The following SMARCA2 variants were observed in gnomAD, a reference collection of about 807,000 sequenced individuals.
SMARCA2 encodes SWI/SNF related BAF chromatin remodeling complex subunit ATPase 2, also known as SWI/SNF-related matrix-associated actin-dependent regulator of chromatin subfamily A member 2.
SMARCA2 carries 61 observed loss-of-function variants against 199.8 expected under a neutral mutation model. The ratio of observed to expected loss-of-function variants is 0.31; its 90% confidence interval spans 0.25 to 0.38. The LOEUF (loss-of-function observed/expected upper bound fraction) is 0.38, where lower values mean the gene tolerates loss of function less well. Among genes scored for constraint, SMARCA2 ranks in the 10% least tolerant of loss-of-function variants. SMARCA2 has a pLI of 1.00. For missense variants in SMARCA2, 1,344 were observed against 2,012.2 expected (o/e 0.67, Z 6.35); for synonymous variants, 935 against 732.0 (o/e 1.28, Z -4.48).
intron 29 of SMARCA2, among the ~76,000 whole-genome samples, chr9:2,174,034 T>C (rs1826401169): frequency 6.6e-6 from 1 of 152,208 alleles, no homozygotes. Context: ...TACTTATTTA[T>C]GGTGCTCAGC....
chr9:2,017,698 C>T lies in SMARCA2; in HGVS notation c.-37+2294C>T, dbSNP rs1246906083. On this transcript the variant is annotated intron_variant, in intron 1 of 33. Coordinates refer to ENST00000349721, the MANE Select transcript of SMARCA2 (RefSeq NM_003070.5). This position sits in a 1 kb window ranked among gnomAD's most constrained non-coding sequence, Gnocchi z 8.8. The stretch of plus-strand genomic sequence containing the variant: ...GGGGGCCGGGCCGCGGGCTGTGGCG[C>T]GGGCCTAGAGCCGCGGCTCGGAGAC... 6.6e-6 allele frequency: 1 copy of T among 152,038 alleles called. No homozygotes were observed. Among genetic ancestry groups the T allele is most frequent in the Non-Finnish European group, 1.5e-5 (1 of 68,020 alleles). 9.4% of individuals were successfully genotyped at this position (152,038 alleles called of 1,614,324 possible).
At chr9:2,144,415 G>A (rs1317332443) in intron 27 of SMARCA2, among the ~76,000 whole-genome samples, 3 of 152,118 alleles carry the variant, frequency 2.0e-5, no homozygotes, top group African/African-American at 7.2e-5. Context: ...GAAGGACCTC[G>A]ATTCTGAGGC....
intron 27 of SMARCA2, among the ~76,000 whole-genome samples, chr9:2,154,593 C>G (rs1017676162): frequency 2.6e-5 from 4 of 152,130 alleles, no homozygotes; most frequent in Non-Finnish European, 5.9e-5. Context: ...GCGTGGAACC[C>G]TGGATTGTGG....
chr9:2,027,942 G>T (rs537554350), intron 1 of SMARCA2, among the ~76,000 whole-genome samples: 1 of 152,246 alleles, frequency 6.6e-6, no homozygotes, highest in Non-Finnish European at 1.5e-5. Flanking sequence ...CTATCAGAAT[G>T]TGGAAAACAG....
intron 27 of SMARCA2, among the ~76,000 whole-genome samples, chr9:2,146,507 A>T (rs924095581): frequency 1.3e-5 from 2 of 152,158 alleles, no homozygotes; most frequent in African/African-American, 2.4e-5. Context: ...CACCAGAAAG[A>T]TGTTGCTGAA....
chr9:2,155,850 T>C (rs956844062), intron 27 of SMARCA2, among the ~76,000 whole-genome samples: 5 of 147,642 alleles, frequency 3.4e-5, no homozygotes, highest in Admixed American at 1.4e-4. Context: ...TTCCCCTTTA[T>C]GGTCAGCTTT....
intron 30 of SMARCA2, 133 bp downstream of exon 30, chr9:2,181,809 C>A (rs1456236420): frequency 1.6e-6 from 1 of 631,126 alleles, no homozygotes; most frequent in Non-Finnish European, 2.8e-6. Context: ...GTTGGGATGT[C>A]CTTGTGCTTT....
At chr9:2,153,729 G>A (rs59315485) in intron 27 of SMARCA2, among the ~76,000 whole-genome samples, 3,112 of 152,190 alleles carry the variant, frequency 0.02, 88 homozygotes, top group African/African-American at 0.065. Context: ...TTGTGGAACA[G>A]TAATCCCATT....
rs149380449 is a variant in SMARCA2, at chr9:2,191,421, G to C, written c.4737+13G>C. 1.9e-6 allele frequency: 3 copies of C among 1,613,632 alleles called. 1 individual carries two copies. In the South Asian group the frequency reaches 3.3e-5, roughly 18 times the overall value. On this transcript the variant is annotated intron_variant, in intron 33 of 33. Transcript: ENST00000349721. Reference sequence around the variant, plus strand: ...GCAGGATGAACGTGTAAGTGTAGCCGACTGGGACTGAAGGCGGAGACGCCC... The same window carrying C: ...GCAGGATGAACGTGTAAGTGTAGCCCACTGGGACTGAAGGCGGAGACGCCC...
chr9:2,051,940 G>A (rs984661870), intron 5 of SMARCA2, among the ~76,000 whole-genome samples: 5 of 152,168 alleles, frequency 3.3e-5, no homozygotes, highest in African/African-American at 1.2e-4. Flanking sequence ...CTACATAGAT[G>A]TTGTAGAAAA....
intron 27 of SMARCA2, among the ~76,000 whole-genome samples, chr9:2,124,981 T>C (rs1823625195): frequency 1.3e-5 from 2 of 152,154 alleles, no homozygotes; most frequent in African/African-American, 4.8e-5. Context: ...AGTTGTTCGT[T>C]TTATCCAAGG....
chr9:2,160,913 C>G (rs1825638395), intron 27 of SMARCA2: 2 of 316,578 alleles, frequency 6.3e-6, no homozygotes, highest in Non-Finnish European at 5.7e-6. Context: ...ACTTCTGGGT[C>G]TGTCACATGG....
intron 1 of SMARCA2, among the ~76,000 whole-genome samples, chr9:2,019,246 C>T (rs189426613): frequency 1.0e-3 from 156 of 152,038 alleles, no homozygotes; most frequent in Non-Finnish European, 1.3e-3. Context: ...TGTGGGGTAT[C>T]AGAACCCTTG....
chr9:2,130,893 A>G (rs1586736198), intron 27 of SMARCA2, among the ~76,000 whole-genome samples: 1 of 152,176 alleles, frequency 6.6e-6, no homozygotes, highest in South Asian at 2.1e-4. Flanking sequence ...CCCTGTGTAC[A>G]CTGGCTGTGC....
Position 2,056,827 on chromosome 9 carries a change from A to G in SMARCA2, c.1329A>G (p.Lys443=), listed in dbSNP as rs140011686. The G allele has an allele frequency of 6.2e-7, 1 of 1,613,824 alleles. No individual in the cohort carries two copies. The highest frequency in any genetic ancestry group is 8.5e-7 in the Non-Finnish European group (1 of 1,179,880). Reference sequence around the variant, plus strand: ...AGCAGAAGATTGAGCAGGAGAGGAAACGCCGTCAGAAACACCAGGTTCTTA... The same window carrying G: ...AGCAGAAGATTGAGCAGGAGAGGAAGCGCCGTCAGAAACACCAGGTTCTTA... ...EKQQKIEQER[K]RRQKHQEYLN... The change falls in exon 7 of 34, where the codon AAA becomes AAG. Residue 443 remains lysine, a synonymous_variant. Coordinates refer to ENST00000349721, the MANE Select transcript of SMARCA2 (RefSeq NM_003070.5). This position sits in a 1 kb window ranked among gnomAD's most constrained non-coding sequence, Gnocchi z 4.0.
intron 28 of SMARCA2, among the ~76,000 whole-genome samples, chr9:2,163,736 G>C (rs1375092875): frequency 6.6e-6 from 1 of 152,166 alleles, no homozygotes. Context: ...AGTGAGTCAA[G>C]GGCTGTTATA....
Position 2,016,699 on chromosome 9 carries a change from G to C in SMARCA2, c.-37+1295G>C, listed in dbSNP as rs1285702268. 6.6e-6 allele frequency among the ~76,000 whole-genome samples: 1 copy of C among 151,938 alleles called. No individual in the cohort carries two copies. The highest frequency in any genetic ancestry group is 1.9e-4 in the East Asian group (1 of 5,142). ...TAGGGGGGTGGCGAGGGCGGGAGGC[G>C]GGGAGACCGGGTAGGAGCCTCCTCC... On this transcript the variant is annotated intron_variant, in intron 1 of 33. Transcript: ENST00000349721. This position sits in a 1 kb window ranked among gnomAD's most constrained non-coding sequence, Gnocchi z 5.6.
chr9:2,088,244 AAAAACTGGTGG>A (rs2130491614), intron 18 of SMARCA2, among the ~76,000 whole-genome samples: 1 of 152,298 alleles, frequency 6.6e-6, no homozygotes, highest in African/African-American at 2.4e-5. Context: ...ACTACTGATA[AAAAACTGGTGG>A]CTTCCGGGCT....
chr9:2,159,452 T>G (rs1451065703), intron 27 of SMARCA2: 1 of 210,584 alleles, frequency 4.7e-6, no homozygotes, highest in African/African-American at 2.3e-5. Context: ...ATGCTGCTAT[T>G]TTTTAAAAAA....
Sources: allele counts gnomAD v4.1 joint callset (sites outside exome capture counted in the v4.1 genomes callset), GRCh38; gene constraint gnomAD v4.1.1; non-coding constraint Gnocchi (gnomAD v3.1); transcripts MANE v1.5; gene names NCBI Gene and HGNC (gene_info 2026-07-23, HGNC 2026-07-21).